The following RIC1 variants were observed in gnomAD, a reference collection of about 807,000 sequenced individuals.
The protein encoded by RIC1 is RIC1 partner of RAB6A GEF complex.
RIC1 carries 88 observed loss-of-function variants against 169.0 expected under a neutral mutation model. The observed-to-expected ratio is 0.52, with a 90% CI of 0.44 to 0.62. The LOEUF (loss-of-function observed/expected upper bound fraction) is 0.62. Ranked by LOEUF, RIC1 falls within the 20% of genes least tolerant of loss-of-function variation. The probability of loss-of-function intolerance (pLI) is 0.00; values close to 1 mark genes in which losing one functional copy is unlikely to be tolerated. For missense variants in RIC1, 1,877 were observed against 1,725.5 expected (o/e 1.09, Z -1.56); for synonymous variants, 790 against 601.5 (o/e 1.31, Z -4.59).
intron 6 of RIC1, among the ~76,000 whole-genome samples, chr9:5,729,546 C>CT (rs1309581390): frequency 6.6e-6 from 1 of 152,054 alleles, no homozygotes; most frequent in African/African-American, 2.4e-5. Flanking sequence ...TTATTTTTGT[C>CT]TTTGCTGCTT....
intron 3 of RIC1, among the ~76,000 whole-genome samples, chr9:5,695,926 C>T (rs939361766): frequency 6.6e-6 from 1 of 151,010 alleles, no homozygotes. Flanking sequence ...TTACCCCCTG[C>T]CAAGCCAAAC....
intron 1 of RIC1, among the ~76,000 whole-genome samples, chr9:5,644,703 T>A (rs1586870869): frequency 6.6e-6 from 1 of 152,346 alleles, no homozygotes; most frequent in African/African-American, 2.4e-5. Context: ...TCATTTTGAA[T>A]GATTGTGAGT....
At chr9:5,705,145 GT>G (rs1489509412) in intron 3 of RIC1, among the ~76,000 whole-genome samples, 1 of 145,808 alleles carries the variant, frequency 6.9e-6, no homozygotes, top group African/African-American at 2.5e-5. Context: ...GCTCTTCGGG[GT>G]TCCTTGCCTT....
intron 8 of RIC1, among the ~76,000 whole-genome samples, chr9:5,739,362 G>T (rs1203382580): frequency 1.3e-5 from 2 of 152,034 alleles, no homozygotes; most frequent in Non-Finnish European, 2.9e-5. Context: ...TACTTAGTGG[G>T]CCCAAATCAA....
intron 3 of RIC1, among the ~76,000 whole-genome samples, chr9:5,700,535 G>C (rs982433204): frequency 6.6e-6 from 1 of 151,250 alleles, no homozygotes; most frequent in African/African-American, 2.4e-5. Context: ...CTTTTAGAGG[G>C]GAATCTTACA....
intron 6 of RIC1, among the ~76,000 whole-genome samples, chr9:5,722,050 G>A (rs1176512211): frequency 2.6e-5 from 4 of 151,564 alleles, no homozygotes; most frequent in Non-Finnish European, 2.9e-5. Flanking sequence ...CACCACGCCC[G>A]CCTAATTTTG....
chr9:5,680,976 G>A (rs868349695), intron 2 of RIC1, among the ~76,000 whole-genome samples: 13 of 150,018 alleles, frequency 8.7e-5, no homozygotes, highest in East Asian at 1.9e-4. Context: ...ACAGGCGCCC[G>A]CTACCACGCC....
At chr9:5,759,582 A>C (rs1488787199) in intron 17 of RIC1, among the ~76,000 whole-genome samples, 1 of 152,228 alleles carries the variant, frequency 6.6e-6, no homozygotes, top group Non-Finnish European at 1.5e-5. Flanking sequence ...CAGCTATGAA[A>C]AGACACTGTT....
chr9:5,680,789 C>G (rs1224753334), intron 2 of RIC1, among the ~76,000 whole-genome samples: 1 of 147,208 alleles, frequency 6.8e-6, no homozygotes, highest in Non-Finnish European at 1.5e-5. Flanking sequence ...TTGATCTTTC[C>G]AGAACACCAG....
Position 5,726,708 on chromosome 9 carries a change from T to C in RIC1, c.721-5680T>C, listed in dbSNP as rs183098750. Among the ~76,000 whole-genome samples, 63 of 152,340 alleles carry C rather than the reference T, an allele frequency of 4.1e-4. No individual in the cohort carries two copies. In the Middle Eastern group the frequency reaches 0.01, roughly 25 times the overall value. Reference sequence around the variant, plus strand: ...GGCTGGTACCAGTTGTTCCTTTCCATATTTAGTGCTTCCTTCAGGAGCTCT... The same window carrying C: ...GGCTGGTACCAGTTGTTCCTTTCCACATTTAGTGCTTCCTTCAGGAGCTCT... On this transcript the variant is annotated intron_variant, in intron 6 of 25. Transcript: ENST00000414202.
chr9:5,690,559 T>C, intron 3 of RIC1, among the ~76,000 whole-genome samples: 1 of 131,058 alleles, frequency 7.6e-6, no homozygotes, highest in Middle Eastern at 3.7e-3. Context: ...TTGTAAAGCA[T>C]TCCATCTTTT....
chr9:5,764,799 A>G (rs1014448293), intron 19 of RIC1, among the ~76,000 whole-genome samples: 1 of 152,216 alleles, frequency 6.6e-6, no homozygotes, highest in African/African-American at 2.4e-5. Context: ...CTCCCTGACA[A>G]TGTAATTTTT....
chr9:5,637,000 T>A (rs2130271308), intron 1 of RIC1, among the ~76,000 whole-genome samples: 1 of 152,274 alleles, frequency 6.6e-6, no homozygotes, highest in South Asian at 2.1e-4. Context: ...AATTTTTTTT[T>A]AAGTTTTAGT....
In RIC1 at chr9:5,713,906, C is replaced by G. The variant is rs146181953; in HGVS notation, c.343C>G (p.Gln115Glu). Residue 115 changes from glutamine to glutamate, a missense_variant, in exon 4 of 26, where the codon CAA becomes GAA. This residue lies in a region of RIC1 where 1,104 missense variants were observed against 992.0 expected (regional missense o/e 1.11). Transcript: ENST00000414202. Reference protein sequence around the residue: ...YEPVYPKGSPQMKGTPHFKEE... With the variant: ...YEPVYPKGSPEMKGTPHFKEE... Reference sequence around the variant, plus strand: ...TGCTGTTTGTTTTAGAGGAAGTCCACAAATGAAGGGGACACCCCATTTTAA... The same window carrying G: ...TGCTGTTTGTTTTAGAGGAAGTCCAGAAATGAAGGGGACACCCCATTTTAA... 1.9e-6 allele frequency: 3 copies of G among 1,612,260 alleles called. No individual in the cohort carries two copies. Among genetic ancestry groups the G allele is most frequent in the Non-Finnish European group, 2.5e-6 (3 of 1,178,664 alleles).
intron 3 of RIC1, among the ~76,000 whole-genome samples, chr9:5,705,192 G>GTTTTT (rs35035828): frequency 2.6e-5 from 3 of 113,394 alleles, no homozygotes; most frequent in Non-Finnish European, 5.6e-5. Context: ...TCCCATTTCT[G>GTTTTT]TTTTTTTTTT....
At chr9:5,651,698 A>C (rs1007918739) in intron 1 of RIC1, among the ~76,000 whole-genome samples, 7 of 150,398 alleles carry the variant, frequency 4.7e-5, no homozygotes, top group Admixed American at 2.0e-4. Flanking sequence ...CGAGTAGCTG[A>C]GATTACAGGT....
intron 2 of RIC1, among the ~76,000 whole-genome samples, chr9:5,670,972 C>T (rs576402077): frequency 1.3e-5 from 2 of 152,178 alleles, no homozygotes; most frequent in South Asian, 4.2e-4. Flanking sequence ...GTTGGTGGGT[C>T]CACGTGGAGC....
At chr9:5,722,348 A>AGTGTGT (rs1554673860) in intron 6 of RIC1, among the ~76,000 whole-genome samples, 3,860 of 131,256 alleles carry the variant, frequency 0.029, 156 homozygotes, top group African/African-American at 0.093. Flanking sequence ...AGAGAGAGAG[A>AGTGTGT]GTGTGTGTGT....
At chr9:5,743,251 C>T (rs1825184800) in intron 9 of RIC1, among the ~76,000 whole-genome samples, 1 of 152,114 alleles carries the variant, frequency 6.6e-6, no homozygotes, top group Admixed American at 6.5e-5. Flanking sequence ...TATATGACAG[C>T]ATGTTAGACA....
Sources: gnomAD v4.1 joint callset for allele counts (sites outside exome capture counted in the v4.1 genomes callset) on GRCh38, gnomAD v4.1.1 for gene constraint, gnomAD v4.1.1 regional missense constraint, MANE v1.5 for transcripts, NCBI Gene and HGNC (gene_info 2026-07-23, HGNC 2026-07-21) for gene names.